Variants in AP3S2 observed in about 807,000 individuals in gnomAD.
AP3S2 encodes adaptor related protein complex 3 subunit sigma 2.
In AP3S2, 22 loss-of-function variants were observed where a neutral mutation model predicts 23.4. The observed-to-expected ratio is 0.94, with a 90% CI of 0.67 to 1.34. The LOEUF is 1.34. Ranked by LOEUF, AP3S2 falls within the 40% of genes most tolerant of loss-of-function variation. The pLI is 0.00. For missense variants in AP3S2, 241 were observed against 236.9 expected (o/e 1.02, Z -0.11); for synonymous variants, 86 against 87.1 (o/e 0.99, Z 0.07).
At chr15:89,868,595 G>A (rs1458601681) in intron 4 of AP3S2, among the ~76,000 whole-genome samples, 33 of 121,474 alleles carry the variant, frequency 2.7e-4, no homozygotes, top group African/African-American at 8.5e-4. Flanking sequence ...CCGGCCAGCC[G>A]CCCCGTCTGG....
intron 4 of AP3S2, among the ~76,000 whole-genome samples, chr15:89,857,264 G>A (rs957861260): frequency 6.6e-6 from 1 of 152,164 alleles, no homozygotes; most frequent in Admixed American, 6.5e-5. Flanking sequence ...TTACAGGTGT[G>A]AGCCACCGTG....
At chr15:89,862,838 A>G (rs1896036467) in intron 4 of AP3S2, among the ~76,000 whole-genome samples, 1 of 152,234 alleles carries the variant, frequency 6.6e-6, no homozygotes. Context: ...CTCGAGCCAT[A>G]CATCAAGACT....
At chr15:89,883,425 T>G (rs1051837237) in intron 3 of AP3S2, among the ~76,000 whole-genome samples, 12 of 151,872 alleles carry the variant, frequency 7.9e-5, no homozygotes, top group African/African-American at 2.9e-4. Context: ...AGACAGAATC[T>G]CGCTCTGTCA....
chr15:89,857,074 G>A (rs553126661), intron 4 of AP3S2, among the ~76,000 whole-genome samples: 2 of 152,228 alleles, frequency 1.3e-5, no homozygotes, highest in South Asian at 4.1e-4. Context: ...GCATGAGCAA[G>A]AAGACAAACA....
intron 3 of AP3S2, among the ~76,000 whole-genome samples, chr15:89,873,407 C>T (rs1896366947): frequency 6.6e-6 from 1 of 151,890 alleles, no homozygotes; most frequent in Non-Finnish European, 1.5e-5. Context: ...GCCTCAGCCT[C>T]CTGAGTAGCT....
chr15:89,860,232 T>C (rs1276485212), intron 4 of AP3S2, among the ~76,000 whole-genome samples: 1 of 152,208 alleles, frequency 6.6e-6, no homozygotes, highest in Non-Finnish European at 1.5e-5. Context: ...TTTTTTCCTA[T>C]ACACACATAC....
chr15:89,847,422 G>A (rs1002321286), intron 4 of AP3S2, among the ~76,000 whole-genome samples: 13 of 145,734 alleles, frequency 8.9e-5, no homozygotes, highest in African/African-American at 3.0e-4. Flanking sequence ...AAATGAGTCT[G>A]CTAGTTTCAT....
intron 1 of AP3S2, among the ~76,000 whole-genome samples, chr15:89,892,058 A>G (rs906557650): frequency 6.6e-6 from 1 of 152,256 alleles, no homozygotes; most frequent in African/African-American, 2.4e-5. Context: ...AGAAATGAAG[A>G]ACATCAGATA....
intron 3 of AP3S2, among the ~76,000 whole-genome samples, chr15:89,875,734 G>A (rs1896427776): frequency 6.6e-6 from 1 of 152,116 alleles, no homozygotes; most frequent in African/African-American, 2.4e-5. Context: ...AAATTGCTTG[G>A]GCTCACAAGT....
At chr15:89,863,169 G>C (rs1291815135) in intron 4 of AP3S2, among the ~76,000 whole-genome samples, 1 of 152,188 alleles carries the variant, frequency 6.6e-6, no homozygotes, top group African/African-American at 2.4e-5. Context: ...CTAGGAAACG[G>C]CCACAGGATT....
At position 89,837,705 on chromosome 15, in the gene AP3S2, C is replaced by T. The variant is rs899096822; in HGVS notation, c.363G>A (p.Gln121=). ...ACACCATCCCACCCATCACCACCTC[C>T]TGGAGGATGTAGTGCACCTAAAAGG... ...FHMDKVHYIL[Q]EVVMGGMVLE... Residue 121 remains glutamine (Q), a synonymous_variant, in exon 5 of 6, where the codon CAG becomes CAA. Transcript: ENST00000336418. 7.4e-6 allele frequency: 12 copies of T among 1,614,018 alleles called. No homozygotes were observed. In the East Asian group the frequency reaches 2.2e-4, roughly 30 times the overall value.
intron 2 of AP3S2, 57 bp from the exon 3 acceptor site, chr15:89,888,689 A>C (rs1335137571): frequency 1.4e-5 from 21 of 1,537,984 alleles, no homozygotes; most frequent in Non-Finnish European, 1.9e-5. Context: ...CATCAAAAAG[A>C]AACCTTGTGC....
In AP3S2 at chr15:89,835,285, G is replaced by C. The variant is rs552239540; in HGVS notation, c.*230C>G. On this transcript the variant is annotated 3_prime_UTR_variant, in exon 6 of 6. Transcript: ENST00000336418. ...AGGGCCCCTCACATCTGCAGTGGCC[G>C]TATGCATCAGAGAACGGCATGACTG... The C allele has an allele frequency of 1.6e-6, 1 of 640,280 alleles. No individual in the cohort carries two copies. The highest frequency in any genetic ancestry group is 1.8e-5 in the African/African-American group (1 of 54,222). The allele number at this position is 640,280 out of a possible 1,614,324, so 39.7% of individuals were successfully genotyped here. A position where few individuals can be genotyped will look rare whatever the true frequency, so the allele number is the denominator to read the frequency against.
At chr15:89,865,555 G>A (rs1276537572) in intron 4 of AP3S2, 1 of 152,208 alleles carries the variant, frequency 6.6e-6, no homozygotes, top group African/African-American at 2.4e-5. Context: ...CAAAGTGGCA[G>A]ATACTATGGT....
intron 1 of AP3S2, among the ~76,000 whole-genome samples, chr15:89,889,880 A>T (rs1036679744): frequency 2.6e-5 from 4 of 151,278 alleles, no homozygotes; most frequent in African/African-American, 9.7e-5. Flanking sequence ...AAAAAAAAAA[A>T]AAAAAAAAGG....
intron 1 of AP3S2, chr15:89,893,674 T>G: frequency 1.8e-6 from 1 of 548,158 alleles, no homozygotes; most frequent in Non-Finnish European, 3.2e-6. Context: ...AAGAAAAGGG[T>G]CAGCGAGAGC....
intron 4 of AP3S2, among the ~76,000 whole-genome samples, chr15:89,859,212 T>C (rs1043375248): frequency 1.3e-5 from 2 of 151,150 alleles, no homozygotes; most frequent in Non-Finnish European, 3.0e-5. Context: ...CCTTGCTTCC[T>C]TTCTCTTTCT....
chr15:89,843,162 T>C (rs529230911), intron 4 of AP3S2, among the ~76,000 whole-genome samples: 2 of 151,726 alleles, frequency 1.3e-5, no homozygotes, highest in South Asian at 4.2e-4. Context: ...TTTTGTATTT[T>C]TCGTAGAGAT....
chr15:89,876,336 T>A (rs1347232126), intron 3 of AP3S2, among the ~76,000 whole-genome samples: 1 of 151,848 alleles, frequency 6.6e-6, no homozygotes, highest in Non-Finnish European at 1.5e-5. Context: ...GGAGAATCAC[T>A]TGAACCCAGG....
Sources: allele counts gnomAD v4.1 joint callset (sites outside exome capture counted in the v4.1 genomes callset), GRCh38; gene constraint gnomAD v4.1.1; transcripts MANE v1.5; gene names NCBI Gene and HGNC (gene_info 2026-07-23, HGNC 2026-07-21).